The following GAN variants were observed in gnomAD, a reference collection of about 807,000 sequenced individuals.
GAN encodes the protein gigaxonin.
GAN carries 48 observed loss-of-function variants against 71.3 expected under a neutral mutation model. The observed-to-expected ratio is 0.67, with a 90% CI of 0.53 to 0.86. GAN has a LOEUF of 0.86. Among genes scored for constraint, GAN ranks in the 40% least tolerant of loss-of-function variants. The pLI is 0.00. For synonymous variants in GAN, 386 were observed against 276.8 expected, an observed-to-expected ratio of 1.39 and a Z score of -3.92; for missense variants, 928 against 770.1, an observed-to-expected ratio of 1.21 and a Z score of -2.43.
At chr16:81,362,395 T>C (rs1338682416) in intron 5 of GAN, 104 bp from the exon 6 acceptor site, 1 of 735,202 alleles carries the variant, frequency 1.4e-6, no homozygotes. Flanking sequence ...GAGAACATTG[T>C]TGTCATCAGA....
chr16:81,365,301 T>A, intron 8 of GAN, 49 bp from the exon 9 acceptor site: 1 of 1,612,666 alleles, frequency 6.2e-7, no homozygotes, highest in Non-Finnish European at 8.5e-7. Context: ...GGGAGTGAGA[T>A]CTCGCATTGT....
At chr16:81,330,445 AAATAAATCACAGTAT>A (rs1349146688) in intron 1 of GAN, among the ~76,000 whole-genome samples, 1 of 152,240 alleles carries the variant, frequency 6.6e-6, no homozygotes, top group African/African-American at 2.4e-5. Flanking sequence ...GTGAGCAAGA[AAATAAATCACAGTAT>A]AACATTGGAT....
intron 9 of GAN, among the ~76,000 whole-genome samples, chr16:81,376,407 C>T (rs534261212): frequency 1.2e-3 from 185 of 151,322 alleles, no homozygotes; most frequent in African/African-American, 4.4e-3. Flanking sequence ...ATCACCTGAG[C>T]CCAGGAGCTC....
chr16:81,332,515 G>C (rs1348105780), intron 1 of GAN, among the ~76,000 whole-genome samples: 3 of 152,184 alleles, frequency 2.0e-5, no homozygotes, highest in African/African-American at 7.2e-5. Flanking sequence ...TGGTGTACTT[G>C]CTCTCCCTCC....
At chr16:81,334,987 ATGCGTCTTATTAGATGGTG>A (rs1353761439) in intron 1 of GAN, among the ~76,000 whole-genome samples, 2 of 152,150 alleles carry the variant, frequency 1.3e-5, no homozygotes, top group Non-Finnish European at 2.9e-5. Flanking sequence ...CATTAAACAA[ATGCGTCTTATTAGATGGTG>A]ATAAATTCTA....
chr16:81,329,653 T>C (rs1346034776), intron 1 of GAN, among the ~76,000 whole-genome samples: 1 of 152,198 alleles, frequency 6.6e-6, no homozygotes, highest in Non-Finnish European at 1.5e-5. Context: ...ATTTATCAGA[T>C]CATTTTGTTG....
chr16:81,317,385 A>G (rs1390237470), intron 1 of GAN, among the ~76,000 whole-genome samples: 2 of 152,250 alleles, frequency 1.3e-5, no homozygotes, highest in Non-Finnish European at 1.5e-5. Flanking sequence ...TTTTACTCAT[A>G]TTAGCTGTGA....
chr16:81,356,603 C>G (rs1009243881), intron 3 of GAN, among the ~76,000 whole-genome samples, 182 bp from the exon 4 acceptor site: 1 of 152,166 alleles, frequency 6.6e-6, no homozygotes, highest in South Asian at 2.1e-4. Flanking sequence ...CTTATCAAGA[C>G]TCTGGGAAGT....
intron 9 of GAN, among the ~76,000 whole-genome samples, chr16:81,373,928 A>T (rs1342896803): frequency 6.6e-6 from 1 of 152,170 alleles, no homozygotes; most frequent in African/African-American, 2.4e-5. Flanking sequence ...TCTTTAGTAG[A>T]GATGAGGTTT....
In GAN at chr16:81,389,000, A is replaced by C. The variant is rs997624991; in HGVS notation, c.*11404A>C. 5.9e-5 allele frequency: 9 copies of C among 152,222 alleles called. No individual in the cohort carries two copies. The highest frequency in any genetic ancestry group is 1.9e-4 in the African/African-American group (8 of 41,462). The allele number at this position is 152,222 out of a possible 1,614,324, so 9.4% of individuals were successfully genotyped here. On this transcript the variant is annotated 3_prime_UTR_variant, in exon 11 of 11. Transcript: ENST00000648994. ...TAAAAAATCATGTAGGATCTGGTAC[A>C]TGGGGCGGGCAAAAGGGTATCATCA...
chr16:81,378,658 G>A lies in GAN; in HGVS notation c.*1062G>A, dbSNP rs1047174534. ...TGTTAAGAATCTAGTCTTTGTAATA[G>A]AAGTTTCCCAGTGGCATTCACTAGT... On this transcript the variant is annotated 3_prime_UTR_variant, in exon 11 of 11. Coordinates refer to ENST00000648994, the MANE Select transcript of GAN (RefSeq NM_022041.4). 6.6e-6 allele frequency: 1 copy of A among 152,640 alleles called. No homozygotes were observed. Among genetic ancestry groups the A allele is most frequent in the Non-Finnish European group, 1.5e-5 (1 of 68,032 alleles). The allele number at this position is 152,640 out of a possible 1,614,324, so 9.5% of individuals were successfully genotyped here.
chr16:81,317,708 T>A (rs1909090712), intron 1 of GAN, among the ~76,000 whole-genome samples: 2 of 152,268 alleles, frequency 1.3e-5, no homozygotes. Flanking sequence ...ACTCTTGCCC[T>A]ACCACGTTAG....
chr16:81,331,859 C>G (rs746012328), intron 1 of GAN, among the ~76,000 whole-genome samples: 1 of 152,188 alleles, frequency 6.6e-6, no homozygotes, highest in Non-Finnish European at 1.5e-5. Context: ...CTGGGACATA[C>G]TGTGAAAGAA....
At chr16:81,374,727 A>G (rs1473467175) in intron 9 of GAN, among the ~76,000 whole-genome samples, 1 of 152,106 alleles carries the variant, frequency 6.6e-6, no homozygotes, top group African/African-American at 2.4e-5. Flanking sequence ...AGCACTTCCT[A>G]TCTGGCACGA....
chr16:81,359,116 G>A (rs1910585953), intron 5 of GAN, among the ~76,000 whole-genome samples: 2 of 152,196 alleles, frequency 1.3e-5, no homozygotes. Context: ...ATTGTCAGTA[G>A]TGAAGAGCTG....
chr16:81,390,008 C>A lies in GAN; in HGVS notation c.*12412C>A, dbSNP rs567734829. The A allele has an allele frequency of 6.6e-6, 1 of 152,054 alleles. No individual in the cohort carries two copies. Among genetic ancestry groups the A allele is most frequent in the African/African-American group, 2.4e-5 (1 of 41,388 alleles). The allele number at this position is 152,054 out of a possible 1,614,324, so 9.4% of individuals were successfully genotyped here. On this transcript the variant is annotated 3_prime_UTR_variant, in exon 11 of 11. Transcript: ENST00000648994. Reference sequence around the variant, plus strand: ...CTGCAGAATAGTATTTCTTTTAAATCCTGCAACTTTATTATCTAGTAGAAT... The same window carrying A: ...CTGCAGAATAGTATTTCTTTTAAATACTGCAACTTTATTATCTAGTAGAAT...
intron 1 of GAN, 139 bp from the exon 2 acceptor site, chr16:81,351,444 A>G (rs2150683704): frequency 1.6e-6 from 1 of 639,480 alleles, no homozygotes; most frequent in East Asian, 2.7e-5. Flanking sequence ...ACATAGACCT[A>G]AAGTTAACGA....
At chr16:81,318,522 A>G (rs1348860887) in intron 1 of GAN, among the ~76,000 whole-genome samples, 1 of 152,146 alleles carries the variant, frequency 6.6e-6, no homozygotes, top group African/African-American at 2.4e-5. Context: ...TGTATATAAA[A>G]AATAGGAGCA....
chr16:81,334,590 T>C (rs1019866682), intron 1 of GAN, among the ~76,000 whole-genome samples: 5 of 152,202 alleles, frequency 3.3e-5, no homozygotes, highest in Admixed American at 2.0e-4. Context: ...ATTCGGATTA[T>C]TGCACTGGGG....
Sources: gnomAD v4.1 joint callset for allele counts (sites outside exome capture counted in the v4.1 genomes callset) on GRCh38, gnomAD v4.1.1 for gene constraint, MANE v1.5 for transcripts, NCBI Gene and HGNC (gene_info 2026-07-23, HGNC 2026-07-21) for gene names.